Variants in THNSL2 observed in about 807,000 individuals in gnomAD.
The protein encoded by THNSL2 is threonine synthase like 2.
THNSL2 carries 34 observed loss-of-function variants against 40.0 expected under a neutral mutation model. The ratio of observed to expected loss-of-function variants is 0.85; its 90% CI spans 0.65 to 1.13. THNSL2 has a LOEUF of 1.13. Among genes scored for constraint, THNSL2 ranks in the 50% most tolerant of loss-of-function variants. The pLI, the probability that THNSL2 is intolerant of heterozygous loss-of-function variation, is 0.00. For synonymous variants in THNSL2, 241 were observed against 247.5 expected, an observed-to-expected ratio of 0.97 and a Z score of 0.25; for missense variants, 537 against 608.8, an observed-to-expected ratio of 0.88 and a Z score of 1.24.
Position 88,175,292 on chromosome 2 carries a change from A to C in THNSL2, c.462A>C (p.Gln154His). Reference protein sequence around the residue: ...DTGSAAIESVQGAKNMDIIVL... With the variant: ...DTGSAAIESVHGAKNMDIIVL... ...GAAGTGCTGCCATTGAGAGTGTTCA[A>C]GGGGCAAAGAACATGGACATTATCG... The change falls in exon 4 of 9, where the codon CAA becomes CAC. Residue 154 changes from glutamine (Q) to histidine (H), a missense_variant. Coordinates refer to ENST00000674334, the MANE Select transcript of THNSL2 (RefSeq NM_018271.5). 1.2e-6 allele frequency: 2 copies of C among 1,614,198 alleles called. No individual in the cohort carries two copies. Among genetic ancestry groups the C allele is most frequent in the Non-Finnish European group, 1.7e-6 (2 of 1,180,046 alleles).
chr2:88,186,406 A>G lies in THNSL2; in HGVS notation c.*283A>G. ...TGAAAGTTTCAGGGCCTGCAAAAGA[A>G]GAGGCTTGGGCACAGGACTGACCAT... On this transcript the variant is annotated 3_prime_UTR_variant, in exon 9 of 9. Transcript: ENST00000674334. 1 of 453,972 alleles carries G rather than the reference A, an allele frequency of 2.2e-6. No homozygotes were observed. The highest frequency in any genetic ancestry group is 2.2e-5 in the South Asian group (1 of 44,774). The allele number at this position is 453,972 out of a possible 1,614,324, so 28.1% of individuals were successfully genotyped here.
rs375061816 is a variant in THNSL2 at position 88,182,657 on chromosome 2, T to C, written c.803-42T>C. The C allele has an allele frequency of 4.4e-4, 641 of 1,470,884 alleles. 1 individual carries two copies. The highest frequency in any genetic ancestry group is 5.5e-4 in the Non-Finnish European group (603 of 1,101,300). The allele number at this position is 1,470,884 out of a possible 1,614,324, so 91.1% of individuals were successfully genotyped here. A position where few individuals can be genotyped will look rare whatever the true frequency, so the allele number is the denominator to read the frequency against. On this transcript the variant is annotated intron_variant, in intron 5 of 8. Coordinates refer to ENST00000674334, the MANE Select transcript of THNSL2 (RefSeq NM_018271.5). ...CAATTTACTTTTTTCTTTTTGCTTT[T>C]ATTTCTAAAAAGCCATTGTTCTCCT...
intron 8 of THNSL2, 49 bp from the exon 9 acceptor site, chr2:88,185,840 TTCCCATCTC>T: frequency 1.3e-6 from 2 of 1,545,610 alleles, no homozygotes; most frequent in Non-Finnish European, 1.8e-6. Flanking sequence ...ACCTTCTCCT[TTCCCATCTC>T]TCTATTCTCT....
chr2:88,175,608 A>T lies in THNSL2; in HGVS notation c.571+207A>T, dbSNP rs1558887516. ...AACTATTGGAGGTGACAGATGCATA[A>T]ACTGATACCAACAGTACAACATGCT... On this transcript the variant is annotated intron_variant, in intron 4 of 8. Transcript: ENST00000674334. The T allele has an allele frequency of 8.5e-5, 50 of 589,690 alleles. No homozygotes were observed. The East Asian group carries it at 1.4e-3, about 17-fold the overall frequency. The allele number at this position is 589,690 out of a possible 1,614,324, so 36.5% of individuals were successfully genotyped here.
chr2:88,172,381 A>G (rs1357073783), intron 1 of THNSL2: 2 of 152,218 alleles, frequency 1.3e-5, no homozygotes, highest in Non-Finnish European at 2.9e-5. Context: ...TAACGGTCCT[A>G]GGATTAGGCT....
intron 2 of THNSL2, 23 bp downstream of exon 2, chr2:88,173,396 T>A (rs1191201531): frequency 1.5e-5 from 24 of 1,553,266 alleles, no homozygotes; most frequent in Non-Finnish European, 2.0e-5. Context: ...ACCTGTACTT[T>A]CACTCTTCCA....
chr2:88,177,886 T>C (rs1274822055), intron 4 of THNSL2, among the ~76,000 whole-genome samples: 2 of 152,200 alleles, frequency 1.3e-5, no homozygotes, highest in African/African-American at 4.8e-5. Context: ...GGCAAAGGAA[T>C]GGAATCACCA....
In THNSL2 at chr2:88,178,920, T is replaced by C. The variant is rs536202421; in HGVS notation, c.709T>C (p.Phe237Leu). ...CCTGGTGCAGATGGCCCATCACTTC[T>C]TTGCTTACTTCCAGTGTACGCCATC... ...RVLVQMAHHFFAYFQCTPSLD... is the reference protein window; with the variant it reads ...RVLVQMAHHFLAYFQCTPSLD... The change falls in exon 5 of 9, where the codon TTT becomes CTT. Residue 237 changes from phenylalanine (F) to leucine (L), a missense_variant. Phe to Leu is a conservative substitution (Grantham distance 22, BLOSUM62 0). Coordinates refer to ENST00000674334, the MANE Select transcript of THNSL2 (RefSeq NM_018271.5). The C allele has an allele frequency of 1.9e-6, 3 of 1,614,228 alleles. No individual in the cohort carries two copies. In the African/African-American group the frequency reaches 4.0e-5, roughly 22 times the overall value.
chr2:88,180,307 A>T (rs1470608273), intron 5 of THNSL2, among the ~76,000 whole-genome samples: 1 of 152,250 alleles, frequency 6.6e-6, no homozygotes, highest in Non-Finnish European at 1.5e-5. Context: ...TCAGGCAAGG[A>T]TATCATGATG....
chr2:88,185,393 C>G lies in THNSL2; in HGVS notation c.1143C>G (p.Cys381Trp). Residue 381 changes from cysteine to tryptophan, a missense_variant, in exon 8 of 9, where the codon TGC becomes TGG. By Grantham distance (215) the Cys-to-Trp change is radical. Transcript: ENST00000674334. ...DEAITQTMGR[C>W]WDENQYLLCP... ...CCATCACCCAGACCATGGGCCGCTGCTGGGATGAGAACCAGTACTTGCTGT... is the reference window on the plus strand; with the variant it reads ...CCATCACCCAGACCATGGGCCGCTGGTGGGATGAGAACCAGTACTTGCTGT... 6.2e-7 allele frequency: 1 copy of G among 1,614,126 alleles called. No homozygotes were observed. Among genetic ancestry groups the G allele is most frequent in the Admixed American group, 1.7e-5 (1 of 60,022 alleles).
chr2:88,179,022 T>C lies in THNSL2; in HGVS notation c.802+9T>C, dbSNP rs1361353649. On this transcript the variant is annotated intron_variant, in intron 5 of 8. Coordinates refer to ENST00000674334, the MANE Select transcript of THNSL2 (RefSeq NM_018271.5). ...TGCCGGTAACCTTGCAGGTAAGGAATCCCCGGGGCACAAATGGGCTTTCCA... is the reference window on the plus strand; with the variant it reads ...TGCCGGTAACCTTGCAGGTAAGGAACCCCCGGGGCACAAATGGGCTTTCCA... The C allele has an allele frequency of 6.2e-7, 1 of 1,613,848 alleles. No individual in the cohort carries two copies. The highest frequency in any genetic ancestry group is 2.2e-5 in the East Asian group (1 of 44,866).
chr2:88,180,408 C>T (rs1677409149), intron 5 of THNSL2, among the ~76,000 whole-genome samples: 1 of 152,142 alleles, frequency 6.6e-6, no homozygotes, highest in Non-Finnish European at 1.5e-5. Flanking sequence ...CCTGTCTCTA[C>T]TAAAAATACA....
At chr2:88,179,119 C>T in intron 5 of THNSL2, 106 bp downstream of exon 5, 1 of 1,163,904 alleles carries the variant, frequency 8.6e-7, no homozygotes, top group African/African-American at 1.5e-5. Context: ...AAGGTGGAGT[C>T]CCAGTTCTGA....
chr2:88,185,349 G>C lies in THNSL2; in HGVS notation c.1099G>C (p.Val367Leu). ...TCAGCTTTCAGAGGCAGTGACATCC[G>C]TGTCAGTGTCGGATGAAGCCATCAC... ...HSKLSEAVTSVSVSDEAITQT... is the reference protein window; with the variant it reads ...HSKLSEAVTSLSVSDEAITQT... The change falls in exon 8 of 9, where the codon GTG becomes CTG. Residue 367 changes from valine (V) to leucine (L), a missense_variant. By Grantham distance (32) the Val-to-Leu change is conservative. Transcript: ENST00000674334. 6.2e-7 allele frequency: 1 copy of C among 1,613,698 alleles called. No individual in the cohort carries two copies. Among genetic ancestry groups the C allele is most frequent in the Non-Finnish European group, 8.5e-7 (1 of 1,179,922 alleles).
intron 5 of THNSL2, among the ~76,000 whole-genome samples, chr2:88,181,846 T>C (rs1677725444): frequency 6.6e-6 from 1 of 152,164 alleles, no homozygotes; most frequent in African/African-American, 2.4e-5. Flanking sequence ...GATTTTCTTA[T>C]TCTAGACATT....
intron 7 of THNSL2, 38 bp from the exon 8 acceptor site, chr2:88,185,290 C>A (rs536542453): frequency 1.1e-5 from 18 of 1,585,148 alleles, no homozygotes; most frequent in South Asian, 2.3e-5. Flanking sequence ...CCTACATCCC[C>A]CCCCCACACC....
In THNSL2 at chr2:88,174,615, C is replaced by T. The variant is rs750713627; in HGVS notation, c.224-24C>T. 10 of 1,601,524 alleles carry T rather than the reference C, an allele frequency of 6.2e-6. No individual in the cohort carries two copies. In the South Asian group the frequency reaches 8.9e-5, roughly 14 times the overall value. On this transcript the variant is annotated intron_variant, in intron 2 of 8. Coordinates refer to ENST00000674334, the MANE Select transcript of THNSL2 (RefSeq NM_018271.5). ...AGAAAGAGACCAGGCCCCTCATTGG[C>T]TATCCACCCCACTACCCTCACAGAT...
At chr2:88,178,416 C>T (rs540394032) in intron 4 of THNSL2, among the ~76,000 whole-genome samples, 10 of 152,248 alleles carry the variant, frequency 6.6e-5, no homozygotes, top group East Asian at 3.9e-4. Context: ...TTCTCCTCTG[C>T]GGAAGAGTGG....
Position 88,185,385 on chromosome 2 carries a change from G to A in THNSL2, c.1135G>A (p.Gly379Ser). 1 of 1,613,994 alleles carries A rather than the reference G, an allele frequency of 6.2e-7. No individual in the cohort carries two copies. ...VSDEAITQTM[G>S]RCWDENQYLL... ...GGATGAAGCCATCACCCAGACCATG[G>A]GCCGCTGCTGGGATGAGAACCAGTA... The change falls in exon 8 of 9, where the codon GGC (glycine) becomes AGC (serine). Residue 379 changes from glycine (G) to serine (S), a missense_variant. Physicochemically the swap from Gly to Ser is moderately conservative, Grantham distance 56. Transcript: ENST00000674334.
Sources: allele counts gnomAD v4.1 joint callset (sites outside exome capture counted in the v4.1 genomes callset), GRCh38; gene constraint gnomAD v4.1.1; transcripts MANE v1.5; gene names NCBI Gene and HGNC (gene_info 2026-07-23, HGNC 2026-07-21).